The following ADAM9 variants were observed in gnomAD, a reference collection of about 807,000 sequenced individuals.
ADAM9 encodes ADAM metallopeptidase domain 9.
ADAM9 carries 54 observed loss-of-function variants against 108.1 expected under a neutral mutation model. The observed-to-expected ratio is 0.50, with a 90% confidence interval of 0.40 to 0.63. ADAM9 has a LOEUF of 0.63. ADAM9 is among the 20% of genes least tolerant of loss of function. The pLI is 0.00. For missense variants in ADAM9, 830 were observed against 997.7 expected (o/e 0.83, Z 2.26); for synonymous variants, 316 against 336.0 (o/e 0.94, Z 0.65).
chr8:39,072,035 A>G (rs1406165184), intron 15 of ADAM9, among the ~76,000 whole-genome samples: 1 of 152,186 alleles, frequency 6.6e-6, no homozygotes, highest in African/African-American at 2.4e-5. Context: ...AAGTCCCTAG[A>G]TAAAGGTACC....
chr8:39,067,845 A>G (rs1838535855), intron 14 of ADAM9, among the ~76,000 whole-genome samples: 2 of 152,146 alleles, frequency 1.3e-5, no homozygotes, highest in African/African-American at 2.4e-5. Context: ...GGATGCTTCC[A>G]GTTTTTGCCC....
chr8:39,026,600 T>C (rs574828883), intron 10 of ADAM9, 77 bp from the exon 11 acceptor site: 129 of 1,593,462 alleles, frequency 8.1e-5, no homozygotes, highest in Non-Finnish European at 1.0e-4. Context: ...AATTTCCTTT[T>C]GTGAAAAAAT....
chr8:39,089,309 A>G (rs13248324), intron 18 of ADAM9, among the ~76,000 whole-genome samples: 35,964 of 152,158 alleles, frequency 0.24, 4,577 homozygotes, highest in South Asian at 0.31. Flanking sequence ...TTAAAATTCT[A>G]TAAGAGAAAA....
chr8:39,103,417 T>C (rs1199955403), intron 21 of ADAM9, among the ~76,000 whole-genome samples, 190 bp from the exon 22 acceptor site: 2 of 152,150 alleles, frequency 1.3e-5, no homozygotes, highest in East Asian at 3.8e-4. Flanking sequence ...TTTAAAGTAG[T>C]TATTCCATTT....
At chr8:39,081,082 G>A (rs1409657211) in intron 16 of ADAM9, among the ~76,000 whole-genome samples, 1 of 151,764 alleles carries the variant, frequency 6.6e-6, no homozygotes, top group Non-Finnish European at 1.5e-5. Context: ...CAGGTAGCTG[G>A]AATTACAGGC....
At chr8:39,084,840 C>G (rs1391748704) in intron 18 of ADAM9, among the ~76,000 whole-genome samples, 1 of 151,980 alleles carries the variant, frequency 6.6e-6, no homozygotes, top group Admixed American at 6.6e-5. Flanking sequence ...CTTAATAGTT[C>G]TATCAATTTT....
intron 1 of ADAM9, 28 bp from the exon 2 acceptor site, chr8:39,007,858 A>C: frequency 6.7e-7 from 1 of 1,491,598 alleles, no homozygotes; most frequent in Non-Finnish European, 9.3e-7. Context: ...AGTTTCACTT[A>C]TTATATTTGT....
In ADAM9 at chr8:39,045,879, C is replaced by CT. The variant is rs879737714; in HGVS notation, c.1302+3773dup. Among the ~76,000 whole-genome samples the CT allele has an allele frequency of 3.3e-3, 476 of 144,236 alleles. 5 individuals are homozygous for CT. The highest frequency in any genetic ancestry group is 9.2e-3 in the African/African-American group (364 of 39,398). The allele number at this position is 144,236 out of a possible 152,430, so 94.6% of individuals were successfully genotyped here. A position where few individuals can be genotyped will look rare whatever the true frequency, so the allele number is the denominator to read the frequency against. On this transcript the variant is annotated intron_variant, in intron 12 of 21. Coordinates refer to ENST00000487273, the MANE Select transcript of ADAM9 (RefSeq NM_003816.3). Reference sequence around the variant, plus strand: ...TTTCTGCATCTGCACCAAGATCAGCCTTTTTTTTTTTGACTTTTTAATGAT... The same window carrying CT: ...TTTCTGCATCTGCACCAAGATCAGCCTTTTTTTTTTTTGACTTTTTAATGAT...
chr8:39,017,589 C>A lies in ADAM9; in HGVS notation c.606+175C>A, dbSNP rs115416198. ...ATGAAAAGATGAGCGATATATAGTTCCTGCTACCAAGTTGAGTACAGTTTA... is the reference window on the plus strand; with the variant it reads ...ATGAAAAGATGAGCGATATATAGTTACTGCTACCAAGTTGAGTACAGTTTA... On this transcript the variant is annotated intron_variant, in intron 6 of 21. Coordinates refer to ENST00000487273, the MANE Select transcript of ADAM9 (RefSeq NM_003816.3). Among the ~76,000 whole-genome samples the A allele has an allele frequency of 1.1e-3, 168 of 151,924 alleles. 1 individual carries two copies. Among genetic ancestry groups the A allele is most frequent in the African/African-American group, 3.8e-3 (156 of 41,404 alleles).
chr8:39,091,911 T>C (rs972191997), intron 20 of ADAM9, among the ~76,000 whole-genome samples: 1 of 152,186 alleles, frequency 6.6e-6, no homozygotes, highest in African/African-American at 2.4e-5. Context: ...ACGTATGCTA[T>C]CACTGCTTTT....
intron 12 of ADAM9, among the ~76,000 whole-genome samples, chr8:39,043,419 C>T (rs1452665326): frequency 6.6e-6 from 1 of 152,150 alleles, no homozygotes; most frequent in African/African-American, 2.4e-5. Context: ...AGTTTCTCCA[C>T]ATTCTTGCCG....
At chr8:39,041,633 A>T (rs1277977442) in intron 11 of ADAM9, among the ~76,000 whole-genome samples, 1 of 152,230 alleles carries the variant, frequency 6.6e-6, no homozygotes, top group African/African-American at 2.4e-5. Context: ...CTTTATTCTC[A>T]TAGGACTAAA....
intron 12 of ADAM9, among the ~76,000 whole-genome samples, chr8:39,045,152 G>T (rs1837634808): frequency 9.0e-6 from 1 of 111,252 alleles, no homozygotes; most frequent in Non-Finnish European, 2.1e-5. Context: ...GTGTATATAT[G>T]TGTATACATA....
At chr8:39,025,407 C>G (rs980462384) in intron 9 of ADAM9, among the ~76,000 whole-genome samples, 1 of 152,138 alleles carries the variant, frequency 6.6e-6, no homozygotes, top group African/African-American at 2.4e-5. Flanking sequence ...CATCCTTACT[C>G]CTCATGTTCA....
At chr8:39,014,300 C>A in intron 4 of ADAM9, 1 of 552,930 alleles carries the variant, frequency 1.8e-6, no homozygotes, top group East Asian at 2.9e-5. Flanking sequence ...AATGGTAATC[C>A]TTACTGATGA....
At chr8:39,100,409 T>C (rs1839652640) in intron 20 of ADAM9, among the ~76,000 whole-genome samples, 1 of 150,050 alleles carries the variant, frequency 6.7e-6, no homozygotes, top group South Asian at 2.1e-4. Context: ...AGGAGAATGG[T>C]GTGAACCTGG....
intron 11 of ADAM9, among the ~76,000 whole-genome samples, chr8:39,033,323 CT>C (rs1419853173): frequency 6.6e-6 from 1 of 151,932 alleles, no homozygotes. Context: ...TTTTTCAATT[CT>C]TTTTGATTTT....
rs562274321 is a variant in ADAM9 at position 39,068,675 on chromosome 8, CAAAAAAAAAAAAAAAAAAAAA to C, written c.1592-2604_1592-2584del. 3.8e-3 allele frequency among the ~76,000 whole-genome samples: 160 copies of C among 42,046 alleles called. 4 individuals carry two copies. The highest frequency in any genetic ancestry group is 0.028 in the Middle Eastern group (1 of 36). The allele number at this position is 42,046 out of a possible 152,430, so 27.6% of individuals were successfully genotyped here. Reference sequence around the variant, plus strand: ...GAGTGACAAGAGTGAAACTTCTCCTCAAAAAAAAAAAAAAAAAAAAAAAAAAAAAAAAAAAAAAAGACCTGA... The same window carrying C: ...GAGTGACAAGAGTGAAACTTCTCCTCAAAAAAAAAAAAAAAAAAGACCTGA... On this transcript the variant is annotated intron_variant, in intron 14 of 21. Transcript: ENST00000487273.
intron 12 of ADAM9, 22 bp from the exon 13 acceptor site, chr8:39,054,459 G>A (rs1241507170): frequency 6.9e-6 from 11 of 1,596,924 alleles, no homozygotes; most frequent in Non-Finnish European, 9.4e-6. Context: ...TTTCTTTATT[G>A]ACAGTCATTT....
Sources: allele counts gnomAD v4.1 joint callset (sites outside exome capture counted in the v4.1 genomes callset), GRCh38; gene constraint gnomAD v4.1.1; transcripts MANE v1.5; gene names NCBI Gene and HGNC (gene_info 2026-07-23, HGNC 2026-07-21).